The following PLEKHD1 variants were observed in gnomAD, a reference collection of about 807,000 sequenced individuals.
PLEKHD1 encodes the protein pleckstrin homology domain-containing family D member 1.
Under a neutral mutation model 69.2 loss-of-function variants are expected in PLEKHD1, and 51 were observed. The ratio of observed to expected loss-of-function variants is 0.74; its 90% CI spans 0.59 to 0.93. The LOEUF is 0.93. Among genes scored for constraint, PLEKHD1 ranks in the 40% least tolerant of loss-of-function variants. The pLI is 0.00. For synonymous variants in PLEKHD1, 236 were observed against 244.7 expected, an observed-to-expected ratio of 0.96 and a Z score of 0.33; for missense variants, 584 against 641.0, an observed-to-expected ratio of 0.91 and a Z score of 0.96.
rs186714344 is a variant in PLEKHD1 at position 69,528,657 on chromosome 14, C to A, written c.*238C>A. The stretch of plus-strand genomic sequence containing the variant: ...CACACCAGGGCCATGCAGGCCTGAG[C>A]TGGGTGCTGGTTGTCATGGTGAGGT... On this transcript the variant is annotated 3_prime_UTR_variant, in exon 13 of 13. Coordinates refer to ENST00000322564, the MANE Select transcript of PLEKHD1 (RefSeq NM_001161498.2). 2.4e-4 allele frequency: 139 copies of A among 574,798 alleles called. No individual in the cohort carries two copies. Among genetic ancestry groups the A allele is most frequent in the Non-Finnish European group, 3.8e-4 (125 of 327,596 alleles). 35.6% of individuals were successfully genotyped at this position (574,798 alleles called of 1,614,324 possible). A position where few individuals can be genotyped will look rare whatever the true frequency, so the allele number is the denominator to read the frequency against.
intron 1 of PLEKHD1, among the ~76,000 whole-genome samples, chr14:69,498,057 A>ATTTTATTTATTTTATTTTATTTTAT (rs1555337189): frequency 5.7e-4 from 71 of 124,688 alleles, no homozygotes; most frequent in Middle Eastern, 4.1e-3. Flanking sequence ...ATTTTATTTT[A>ATTTTATTTATTTTATTTTATTTTAT]TTTATTTTAT....
chr14:69,471,658 C>T, the PLEKHD1 span, among the ~76,000 whole-genome samples: 1 of 152,126 alleles, frequency 6.6e-6, no homozygotes, highest in Non-Finnish European at 1.5e-5. Context: ...TCCAGGACCT[C>T]GGAGTCCCAG....
intron 6 of PLEKHD1, among the ~76,000 whole-genome samples, chr14:69,505,630 G>A (rs1883135462): frequency 6.6e-6 from 1 of 152,204 alleles, no homozygotes; most frequent in African/African-American, 2.4e-5. Context: ...CATCTGGGAT[G>A]TCTGATTAGA....
chr14:69,528,586 T>A lies in PLEKHD1; in HGVS notation c.*167T>A, dbSNP rs941221790. The A allele has an allele frequency of 3.2e-6, 3 of 938,036 alleles. No individual in the cohort carries two copies. The highest frequency in any genetic ancestry group is 4.6e-6 in the Non-Finnish European group (3 of 645,820). 58.1% of individuals were successfully genotyped at this position (938,036 alleles called of 1,614,324 possible). On this transcript the variant is annotated 3_prime_UTR_variant, in exon 13 of 13. Transcript: ENST00000322564. ...GGGCCAGCCTTGCCCTCAAAGGACA[T>A]GGACGCTGCCTTCCTCATCCTCACC...
chr14:69,524,447 G>A, intron 8 of PLEKHD1, 125 bp downstream of exon 8: 1 of 812,760 alleles, frequency 1.2e-6, no homozygotes, highest in Non-Finnish European at 2.0e-6. Context: ...ATGGAGGGGT[G>A]CTGATCTAAA....
intron 6 of PLEKHD1, among the ~76,000 whole-genome samples, chr14:69,515,981 C>T (rs1164715728): frequency 2.6e-5 from 4 of 152,180 alleles, no homozygotes; most frequent in Admixed American, 2.0e-4. Context: ...TGTAAGAAGA[C>T]TTGCTGATTT....
At chr14:69,492,186 CAG>C (rs1173052281) in intron 1 of PLEKHD1, among the ~76,000 whole-genome samples, 1 of 152,198 alleles carries the variant, frequency 6.6e-6, no homozygotes, top group Non-Finnish European at 1.5e-5. Context: ...CCAATAATAC[CAG>C]AGATATTTTT....
At chr14:69,468,584 T>G in the PLEKHD1 span, among the ~76,000 whole-genome samples, 2 of 152,192 alleles carry the variant, frequency 1.3e-5, no homozygotes, top group East Asian at 3.9e-4. Context: ...TTTCTTTCTT[T>G]CTTTTCTTTC....
At chr14:69,496,630 T>A (rs1882893640) in intron 1 of PLEKHD1, among the ~76,000 whole-genome samples, 1 of 151,468 alleles carries the variant, frequency 6.6e-6, no homozygotes, top group Non-Finnish European at 1.5e-5. Flanking sequence ...AGCTTTGAAC[T>A]CCTGGACTCA....
chr14:69,475,755 C>A, the PLEKHD1 span, among the ~76,000 whole-genome samples: 1 of 152,200 alleles, frequency 6.6e-6, no homozygotes, highest in African/African-American at 2.4e-5. Context: ...CCCACACACC[C>A]TTGTGGCTCT....
the PLEKHD1 span, among the ~76,000 whole-genome samples, chr14:69,477,112 AG>A: frequency 6.6e-6 from 1 of 152,106 alleles, no homozygotes; most frequent in Admixed American, 6.6e-5. Context: ...CCCAGGTTCA[AG>A]CAATTCTCCC....
At chr14:69,478,229 T>C in the PLEKHD1 span, among the ~76,000 whole-genome samples, 3 of 152,202 alleles carry the variant, frequency 2.0e-5, no homozygotes, top group South Asian at 2.1e-4. Flanking sequence ...CTGGAGTGGC[T>C]GGGATGCAGG....
In PLEKHD1 at chr14:69,528,240, G is replaced by C; in HGVS notation, c.1352-10G>C. 1 of 1,551,624 alleles carries C rather than the reference G, an allele frequency of 6.4e-7. No individual in the cohort carries two copies. Among genetic ancestry groups the C allele is most frequent in the Non-Finnish European group, 8.7e-7 (1 of 1,146,958 alleles). On this transcript the variant is annotated splice_polypyrimidine_tract_variant and intron_variant, in intron 12 of 12. Transcript: ENST00000322564. ...CTGTTCACAGGGCTGTTGGGCTCCT[G>C]TTTCCCCAGTGAAGCCGTCCCAGTC...
intron 9 of PLEKHD1, 58 bp downstream of exon 9, chr14:69,526,180 C>T (rs1566566658): frequency 1.6e-5 from 23 of 1,471,248 alleles, no homozygotes; most frequent in Non-Finnish European, 2.0e-5. Context: ...GGACTTTCCT[C>T]GAACTGGACA....
chr14:69,489,558 CA>C (rs1166429791), intron 1 of PLEKHD1, among the ~76,000 whole-genome samples: 499 of 59,836 alleles, frequency 8.3e-3, no homozygotes, highest in African/African-American at 0.028. Flanking sequence ...TACTCCATCT[CA>C]AAAAAAAAAA....
intron 6 of PLEKHD1, among the ~76,000 whole-genome samples, chr14:69,519,458 G>A (rs1415730507): frequency 6.6e-6 from 1 of 152,130 alleles, no homozygotes; most frequent in African/African-American, 2.4e-5. Flanking sequence ...CTTTCACAGA[G>A]CAATAAATGC....
At chr14:69,526,455 G>A (rs902253634) in intron 9 of PLEKHD1, among the ~76,000 whole-genome samples, 2 of 152,074 alleles carry the variant, frequency 1.3e-5, no homozygotes, top group South Asian at 2.1e-4. Flanking sequence ...ACTTTTCTGA[G>A]GTCACAGAAC....
chr14:69,472,706 G>A, the PLEKHD1 span, among the ~76,000 whole-genome samples: 1 of 152,184 alleles, frequency 6.6e-6, no homozygotes, highest in South Asian at 2.1e-4. Context: ...TGTAGCCTAG[G>A]AGCAATAGGC....
chr14:69,483,429 G>A (rs1005435799), upstream of PLEKHD1, among the ~76,000 whole-genome samples: 2 of 152,094 alleles, frequency 1.3e-5, no homozygotes, highest in African/African-American at 2.4e-5. Context: ...AAAGACTTAA[G>A]TCTACTGTGC....
Sources: gnomAD v4.1 joint callset for allele counts (sites outside exome capture counted in the v4.1 genomes callset) on GRCh38, gnomAD v4.1.1 for gene constraint, MANE v1.5 for transcripts, NCBI Gene and HGNC (gene_info 2026-07-23, HGNC 2026-07-21) for gene names.